Variants in SLC20A2 observed in about 807,000 individuals in gnomAD.
The protein encoded by SLC20A2 is solute carrier family 20 member 2.
SLC20A2 carries 30 observed loss-of-function variants against 61.0 expected under a neutral mutation model. The observed-to-expected ratio is 0.49, with a 90% CI of 0.37 to 0.67. The LOEUF (loss-of-function observed/expected upper bound fraction) is 0.67. Among genes scored for constraint, SLC20A2 ranks in the 30% least tolerant of loss-of-function variants. SLC20A2 has a pLI of 0.00. For missense variants in SLC20A2, 626 were observed against 866.4 expected (o/e 0.72, Z 3.48); for synonymous variants, 351 against 353.3 (o/e 0.99, Z 0.07).
At chr8:42,541,954 T>G (rs1200699994), upstream of SLC20A2, 1 of 152,064 alleles carries the variant, frequency 6.6e-6, no homozygotes, top group Non-Finnish European at 1.5e-5. Context: ...GCGGCCCATC[T>G]GCCGGGGCGG....
chr8:42,526,615 G>A (rs540151857), intron 1 of SLC20A2, among the ~76,000 whole-genome samples: 2 of 151,266 alleles, frequency 1.3e-5, no homozygotes, highest in East Asian at 3.9e-4. Context: ...AGAGGTTGCA[G>A]TGAGCCGAGA....
At chr8:42,450,015 A>G (rs910901066) in intron 5 of SLC20A2, among the ~76,000 whole-genome samples, 1 of 152,212 alleles carries the variant, frequency 6.6e-6, no homozygotes, top group East Asian at 1.9e-4. Context: ...CCTCCTTTGT[A>G]GAACTGCTCT....
rs372422763 is a variant in SLC20A2, at chr8:42,434,065, T to C, written c.1523+2924A>G. Among the ~76,000 whole-genome samples, 16 of 152,272 alleles carry C rather than the reference T, an allele frequency of 1.1e-4. No individual in the cohort carries two copies. In the East Asian group the frequency reaches 1.7e-3, roughly 17 times the overall value. On this transcript the variant is annotated intron_variant, in intron 8 of 10. Transcript: ENST00000520262. ...CCATCCTAATAGGTGTGTAATTTAT[T>C]ATTATTATTTTTGAGAGAGTCTCCC... is the stretch of plus-strand genomic sequence containing the variant.
intron 3 of SLC20A2, among the ~76,000 whole-genome samples, chr8:42,464,092 C>CTTTTTTTTTTTTTTTTTTTTTTTTGTT (rs1806938273): frequency 4.9e-5 from 1 of 20,540 alleles, no homozygotes. Flanking sequence ...GCTGGATGAT[C>CTTTTTTTTTTTTTTTTTTTTTTTTGTT]TTTTTTTTTT....
chr8:42,434,981 GAT>G (rs1016594321), intron 8 of SLC20A2, among the ~76,000 whole-genome samples: 3 of 152,188 alleles, frequency 2.0e-5, no homozygotes, highest in East Asian at 1.9e-4. Context: ...CTTTTCCACG[GAT>G]ATGTTTTTCT....
intron 10 of SLC20A2, among the ~76,000 whole-genome samples, chr8:42,424,620 A>G (rs563404902): frequency 6.6e-6 from 1 of 152,364 alleles, no homozygotes; most frequent in East Asian, 1.9e-4. Flanking sequence ...TGCCTTATAT[A>G]TGCCTTCTGG....
intron 2 of SLC20A2, among the ~76,000 whole-genome samples, chr8:42,468,298 G>A (rs1335481039): frequency 6.6e-6 from 1 of 152,188 alleles, no homozygotes; most frequent in African/African-American, 2.4e-5. Flanking sequence ...CCTGAAAGCT[G>A]CTATATTTTC....
In SLC20A2 at chr8:42,439,524, A is replaced by G; in HGVS notation, c.860T>C (p.Leu287Pro). The G allele has an allele frequency of 6.2e-7, 1 of 1,614,156 alleles. No homozygotes were observed. Among genetic ancestry groups the G allele is most frequent in the South Asian group, 1.1e-5 (1 of 91,082 alleles). Residue 287 changes from leucine to proline, a missense_variant, in exon 7 of 11, where the codon CTC (leucine) becomes CCC (proline). Around this residue, in one of 3 missense-constraint regions of SLC20A2, gnomAD observed 361 missense variants for 422.3 expected, o/e 0.85. Transcript: ENST00000520262. ...CAGTGTCTCCCCTGCTGCTCCCGTG[A>G]GCGGGATGGTGCTGTCATCATTAGC... ...AKANDDSTIP[L>P]TGAAGETLGT...
intron 10 of SLC20A2, among the ~76,000 whole-genome samples, chr8:42,427,392 G>A (rs1459226868): frequency 2.0e-5 from 3 of 152,190 alleles, no homozygotes; most frequent in Non-Finnish European, 4.4e-5. Flanking sequence ...TCTATCACAT[G>A]TGGCTGTGTG....
chr8:42,428,805 C>T lies in SLC20A2; in HGVS notation c.1747G>A (p.Val583Met). 1 of 1,610,284 alleles carries T rather than the reference C, an allele frequency of 6.2e-7. No individual in the cohort carries two copies. Among genetic ancestry groups the T allele is most frequent in the East Asian group, 2.2e-5 (1 of 44,592 alleles). The change falls in exon 10 of 11, where the codon GTG (valine) becomes ATG (methionine). Residue 583 changes from valine to methionine, a missense_variant. Physicochemically the swap from Val to Met is conservative, Grantham distance 21 (BLOSUM62 1). Transcript: ENST00000520262. ...TIELASAFTV[V>M]IASNIGLPVS... ...GGAAGCCCGATGTTGGAGGCGATCA[C>T]CACTGTGAAGGCTGAGGCCAGCTCG...
chr8:42,459,910 T>C lies in SLC20A2; in HGVS notation c.599A>G (p.Tyr200Cys), dbSNP rs750828219. Residue 200 changes from tyrosine (Y) to cysteine (C), a missense_variant, in exon 5 of 11, where the codon TAC becomes TGC. Tyr to Cys is a radical substitution (Grantham distance 194). Transcript: ENST00000520262. The stretch of plus-strand genomic sequence containing the variant: ...GGGATCCTTACCTGGTGCTCCTGTG[T>C]ACATGATGGAAAAGACATTGATTGC... ...TIAINVFSIM[Y>C]TGAPVLGLVL... 3.7e-6 allele frequency: 6 copies of C among 1,612,194 alleles called. No individual in the cohort carries two copies. The South Asian group carries it at 6.6e-5, about 18-fold the overall frequency.
intron 8 of SLC20A2, among the ~76,000 whole-genome samples, chr8:42,431,331 A>G (rs1432381343): frequency 2.0e-5 from 3 of 151,524 alleles, no homozygotes; most frequent in African/African-American, 7.4e-5. Context: ...CAGCCACAAC[A>G]TTCCCTTAAG....
chr8:42,475,172 T>G (rs1807967896), intron 1 of SLC20A2, among the ~76,000 whole-genome samples: 1 of 152,114 alleles, frequency 6.6e-6, no homozygotes, highest in Non-Finnish European at 1.5e-5. Flanking sequence ...CAAGCATGGC[T>G]CACTGCAGCC....
At chr8:42,451,381 TGAA>T (rs930127168) in intron 5 of SLC20A2, among the ~76,000 whole-genome samples, 5 of 80,392 alleles carry the variant, frequency 6.2e-5, no homozygotes, top group African/African-American at 1.6e-4. Flanking sequence ...GAGGAAGAGA[TGAA>T]GAGGAGGAGG....
At chr8:42,474,061 C>T (rs1807863257) in intron 1 of SLC20A2, among the ~76,000 whole-genome samples, 1 of 152,062 alleles carries the variant, frequency 6.6e-6, no homozygotes, top group Non-Finnish European at 1.5e-5. Context: ...ATCCCAGCCA[C>T]TTGGGAGGCT....
intron 4 of SLC20A2, among the ~76,000 whole-genome samples, chr8:42,460,999 C>A (rs925408509): frequency 1.3e-5 from 2 of 152,188 alleles, no homozygotes; most frequent in African/African-American, 4.8e-5. Context: ...AATGCAAACA[C>A]GCCTGGAAGT....
At chr8:42,460,077 G>T in intron 4 of SLC20A2, 85 bp from the exon 5 acceptor site, 1 of 766,898 alleles carries the variant, frequency 1.3e-6, no homozygotes, top group Non-Finnish European at 2.3e-6. Flanking sequence ...ACAAAATACT[G>T]TTACAAGAAA....
At chr8:42,527,553 G>A (rs749655474) in intron 1 of SLC20A2, among the ~76,000 whole-genome samples, 82 of 151,970 alleles carry the variant, frequency 5.4e-4, no homozygotes, top group Non-Finnish European at 8.4e-4. Flanking sequence ...TGAGGAGGGC[G>A]GATCACCTGA....
intron 1 of SLC20A2, among the ~76,000 whole-genome samples, chr8:42,535,968 A>T (rs919751447): frequency 4.6e-5 from 7 of 152,220 alleles, no homozygotes; most frequent in Non-Finnish European, 1.5e-5. Context: ...GATTTCATTA[A>T]ATTATCCTAG....
Sources: gnomAD v4.1 joint callset for allele counts (sites outside exome capture counted in the v4.1 genomes callset) on GRCh38, gnomAD v4.1.1 for gene constraint, gnomAD v4.1.1 regional missense constraint, MANE v1.5 for transcripts, NCBI Gene and HGNC (gene_info 2026-07-23, HGNC 2026-07-21) for gene names.